Variants in ZSWIM7 observed in about 807,000 individuals in gnomAD.
ZSWIM7 encodes zinc finger SWIM-type containing 7.
ZSWIM7 carries 22 observed loss-of-function variants against 21.1 expected under a neutral mutation model. The observed-to-expected ratio is 1.04, with a 90% CI of 0.74 to 1.49. The LOEUF is 1.49. ZSWIM7 is among the 40% of genes most tolerant of loss of function. The pLI is 0.00. For synonymous variants in ZSWIM7, 67 were observed against 66.5 expected, an observed-to-expected ratio of 1.01 and a Z score of -0.04; for missense variants, 193 against 168.0, an observed-to-expected ratio of 1.15 and a Z score of -0.82.
chr17:15,999,158 C>G (rs1970623382), intron 1 of ZSWIM7, among the ~76,000 whole-genome samples: 1 of 152,128 alleles, frequency 6.6e-6, no homozygotes, highest in South Asian at 2.1e-4. Context: ...ATCAAGAACT[C>G]CACGTTTCTA....
chr17:15,994,486 G>A (rs111391268), intron 1 of ZSWIM7, among the ~76,000 whole-genome samples: 20 of 152,224 alleles, frequency 1.3e-4, no homozygotes, highest in African/African-American at 4.8e-4. Context: ...CTTCATTAGG[G>A]GTGAAACAGG....
chr17:15,979,445 G>C (rs559095672), intron 4 of ZSWIM7, among the ~76,000 whole-genome samples: 2 of 152,170 alleles, frequency 1.3e-5, no homozygotes, highest in African/African-American at 4.8e-5. Flanking sequence ...ACCTTTCCCT[G>C]CTTTCTATTC....
rs1970296982 is a variant in ZSWIM7 at position 15,977,753 on chromosome 17, C to T, written c.*294G>A. 1 of 244,880 alleles carries T rather than the reference C, an allele frequency of 4.1e-6. No individual in the cohort carries two copies. Among genetic ancestry groups the T allele is most frequent in the Non-Finnish European group, 8.1e-6 (1 of 122,748 alleles). 15.2% of individuals were successfully genotyped at this position (244,880 alleles called of 1,614,324 possible). A position where few individuals can be genotyped will look rare whatever the true frequency, so the allele number is the denominator to read the frequency against. On this transcript the variant is annotated 3_prime_UTR_variant, in exon 5 of 5. Transcript: ENST00000399277. Reference sequence around the variant, plus strand: ...AATGTGGACACAACATGATATTAGGCTTTATTTGAATTTAAAATCTTGATT... The same window carrying T: ...AATGTGGACACAACATGATATTAGGTTTTATTTGAATTTAAAATCTTGATT...
chr17:15,998,495 A>G (rs1446132159), intron 1 of ZSWIM7, among the ~76,000 whole-genome samples: 1 of 152,208 alleles, frequency 6.6e-6, no homozygotes, highest in African/African-American at 2.4e-5. Flanking sequence ...TGGGGGCCTG[A>G]TATGGCTGTT....
chr17:15,981,086 C>T lies in ZSWIM7; in HGVS notation c.260G>A (p.Cys87Tyr). 2 of 1,613,896 alleles carry T rather than the reference C, an allele frequency of 1.2e-6. No individual in the cohort carries two copies. The highest frequency in any genetic ancestry group is 2.2e-5 in the East Asian group (1 of 44,860). ...TCLASCHYCS[C>Y]PAFAFSVLRK... The stretch of plus-strand genomic sequence containing the variant: ...TAGCACTGAGAATGCAAATGCAGGA[C>T]ATGAACAGTAATGACAAGAAGCCAA... The change falls in exon 4 of 5, where the codon TGT becomes TAT. Residue 87 changes from cysteine to tyrosine, a missense_variant. Coordinates refer to ENST00000399277, the MANE Select transcript of ZSWIM7 (RefSeq NM_001042697.2).
rs1291498829 is a variant in ZSWIM7 at position 15,999,704 on chromosome 17, T to G, written c.-110A>C. 1.3e-6 allele frequency: 2 copies of G among 1,553,342 alleles called. No individual in the cohort carries two copies. Among genetic ancestry groups the G allele is most frequent in the South Asian group, 2.4e-5 (2 of 84,752 alleles). ...CCCGCCGGGGCAGGGCGAGACGGAG[T>G]GACGTCGGGGCGCGTCATCGCGCGT... On this transcript the variant is annotated 5_prime_UTR_variant, in exon 1 of 5. Transcript: ENST00000399277.
chr17:15,987,195 T>G lies in ZSWIM7; in HGVS notation c.201+71A>C. Reference sequence around the variant, plus strand: ...GAAATATTTAAAGCTAGTCAACAGCTTCTACAGAGATGAAGAACATTTTGT... The same window carrying G: ...GAAATATTTAAAGCTAGTCAACAGCGTCTACAGAGATGAAGAACATTTTGT... On this transcript the variant is annotated intron_variant, in intron 3 of 4. Transcript: ENST00000399277. 3 of 1,290,990 alleles carry G rather than the reference T, an allele frequency of 2.3e-6. No individual in the cohort carries two copies. The South Asian group carries it at 4.4e-5, about 19-fold the overall frequency. 80.0% of individuals were successfully genotyped at this position (1,290,990 alleles called of 1,614,324 possible). A position where few individuals can be genotyped will look rare whatever the true frequency, so the allele number is the denominator to read the frequency against.
chr17:15,994,213 A>C (rs1465745366), intron 1 of ZSWIM7, among the ~76,000 whole-genome samples: 1 of 152,238 alleles, frequency 6.6e-6, no homozygotes. Flanking sequence ...TTGGCCTCCC[A>C]AAGTGCTGGG....
At chr17:15,981,561 A>G (rs1469492367) in intron 3 of ZSWIM7, among the ~76,000 whole-genome samples, 2 of 152,142 alleles carry the variant, frequency 1.3e-5, no homozygotes, top group African/African-American at 4.8e-5. Context: ...AGCTTCCTAC[A>G]TACCTAAAGA....
At chr17:15,983,641 C>T (rs1261327893) in intron 3 of ZSWIM7, among the ~76,000 whole-genome samples, 1 of 152,124 alleles carries the variant, frequency 6.6e-6, no homozygotes, top group Non-Finnish European at 1.5e-5. Context: ...GGCTGGAGTG[C>T]AATGATGCAA....
Position 15,999,658 on chromosome 17 carries a change from A to G in ZSWIM7, c.-64T>C. ...CGCGACGCTCCAGCTGACTGCGCCT[A>G]CCTGTGGAGGATCCTGACCCCCCGC... On this transcript the variant is annotated 5_prime_UTR_variant, in exon 1 of 5. Transcript: ENST00000399277. 3 of 1,563,360 alleles carry G rather than the reference A, an allele frequency of 1.9e-6. No individual in the cohort carries two copies. Among genetic ancestry groups the G allele is most frequent in the Non-Finnish European group, 2.6e-6 (3 of 1,155,032 alleles).
At chr17:15,995,555 G>C (rs917031326) in intron 1 of ZSWIM7, among the ~76,000 whole-genome samples, 2 of 147,402 alleles carry the variant, frequency 1.4e-5, no homozygotes, top group African/African-American at 5.1e-5. Flanking sequence ...AGCCACTGTG[G>C]CCGGCAAGAC....
intron 1 of ZSWIM7, among the ~76,000 whole-genome samples, chr17:15,998,898 G>C (rs914435194): frequency 2.0e-5 from 3 of 150,198 alleles, no homozygotes; most frequent in Non-Finnish European, 3.0e-5. Flanking sequence ...GGAATTACAG[G>C]CGCCCGCCAC....
At position 15,987,250 on chromosome 17, in the gene ZSWIM7, A is replaced by G; in HGVS notation, c.201+16T>C. 6.2e-7 allele frequency: 1 copy of G among 1,602,986 alleles called. No individual in the cohort carries two copies. Among genetic ancestry groups the G allele is most frequent in the Non-Finnish European group, 8.5e-7 (1 of 1,174,254 alleles). ...AGGGGTTTCTGTAGGGATCACCCCC[A>G]TCTCTAGACTTCTACCTGGTAAACA... is the stretch of plus-strand genomic sequence containing the variant. On this transcript the variant is annotated intron_variant, in intron 3 of 4. Coordinates refer to ENST00000399277, the MANE Select transcript of ZSWIM7 (RefSeq NM_001042697.2).
chr17:15,990,928 G>A (rs1970474179), intron 2 of ZSWIM7: 1 of 152,054 alleles, frequency 6.6e-6, no homozygotes, highest in Non-Finnish European at 1.5e-5. Context: ...ACCTTGGGAG[G>A]CCAAGGCAGG....
Position 15,977,228 on chromosome 17 carries a change from C to T in ZSWIM7, c.*819G>A, listed in dbSNP as rs1185597138. 3 of 152,172 alleles carry T rather than the reference C, an allele frequency of 2.0e-5. No homozygotes were observed. Among genetic ancestry groups the T allele is most frequent in the Non-Finnish European group, 4.4e-5 (3 of 68,060 alleles). 9.4% of individuals were successfully genotyped at this position (152,172 alleles called of 1,614,324 possible). On this transcript the variant is annotated 3_prime_UTR_variant, in exon 5 of 5. Coordinates refer to ENST00000399277, the MANE Select transcript of ZSWIM7 (RefSeq NM_001042697.2). ...ATTTGAAGCTTACAGAAACCAGAAC[C>T]TCTAAGTCTTTTCATACCTGCTACT...
intron 4 of ZSWIM7, among the ~76,000 whole-genome samples, chr17:15,980,712 A>G (rs1970345459): frequency 6.6e-6 from 1 of 152,242 alleles, no homozygotes; most frequent in Non-Finnish European, 1.5e-5. Context: ...TAGGATATGC[A>G]AAGTTGTCAA....
At position 15,988,482 on chromosome 17, in the gene ZSWIM7, A is replaced by G. The variant is rs142667843; in HGVS notation, c.99-1114T>C. 1.1e-3 allele frequency among the ~76,000 whole-genome samples: 174 copies of G among 152,222 alleles called. 3 individuals are homozygous for G. Among genetic ancestry groups the G allele is most frequent in the African/African-American group, 4.1e-3 (169 of 41,554 alleles). ...CCCCTTTAGTTTATGTAACTAAAGC[A>G]TATGTTCATTTTCAACTTTAATAGA... On this transcript the variant is annotated intron_variant, in intron 2 of 4. Transcript: ENST00000399277.
chr17:15,978,981 GTTTTA>G (rs984556343), intron 4 of ZSWIM7, among the ~76,000 whole-genome samples: 91 of 146,268 alleles, frequency 6.2e-4, no homozygotes, highest in South Asian at 2.2e-4. Context: ...TTTAATTTTT[GTTTTA>G]TTTATTTATT....
Sources: gnomAD v4.1 joint callset for allele counts (sites outside exome capture counted in the v4.1 genomes callset) on GRCh38, gnomAD v4.1.1 for gene constraint, MANE v1.5 for transcripts, NCBI Gene and HGNC (gene_info 2026-07-23, HGNC 2026-07-21) for gene names.